The following NF1 variants were observed in gnomAD, a reference collection of about 807,000 sequenced individuals.
The protein encoded by NF1 is neurofibromin.
Under a neutral mutation model 325.7 loss-of-function variants are expected in NF1, and 122 were observed. The observed-to-expected ratio is 0.37, with a 90% CI of 0.32 to 0.44. The LOEUF (loss-of-function observed/expected upper bound fraction) is 0.44, where lower values mean the gene tolerates loss of function less well. Ranked by LOEUF, NF1 falls within the 20% of genes least tolerant of loss-of-function variation. NF1 has a pLI of 1.00. For synonymous variants in NF1, 1,091 were observed against 1,186.0 expected, an observed-to-expected ratio of 0.92 and a Z score of 1.65; for missense variants, 2,140 against 3,415.4, an observed-to-expected ratio of 0.63 and a Z score of 9.31.
chr17:31,287,687 G>A (rs1246652658), intron 36 of NF1, among the ~76,000 whole-genome samples: 1 of 151,940 alleles, frequency 6.6e-6, no homozygotes, highest in East Asian at 1.9e-4. Context: ...AGCCTCCCAA[G>A]TAGCTGGGAC....
At chr17:31,131,957 G>A (rs922276352) in intron 1 of NF1, among the ~76,000 whole-genome samples, 2 of 151,414 alleles carry the variant, frequency 1.3e-5, no homozygotes, top group African/African-American at 4.9e-5. Context: ...TTGAGACAGG[G>A]TCTTACTCTG....
Position 31,326,051 on chromosome 17 carries a change from C to T in NF1, c.5067C>T (p.Tyr1689=), listed in dbSNP as rs756708811. 1 of 1,614,076 alleles carries T rather than the reference C, an allele frequency of 6.2e-7. No homozygotes were observed. Among genetic ancestry groups the T allele is most frequent in the Non-Finnish European group, 8.5e-7 (1 of 1,180,026 alleles). The change falls in exon 37 of 58, where the codon TAC becomes TAT. Residue 1689 remains tyrosine, a synonymous_variant. Transcript: ENST00000358273. ...ACTGTAACTCCTGGGTCAGGGAGTA[C>T]ACCAAGTATCATGAGCGGCTGCTGA... is the stretch of plus-strand genomic sequence containing the variant. ...IYNCNSWVRE[Y]TKYHERLLTG...
chr17:31,171,911 T>C (rs1205958225), intron 5 of NF1, among the ~76,000 whole-genome samples: 1 of 152,110 alleles, frequency 6.6e-6, no homozygotes, highest in Non-Finnish European at 1.5e-5. Flanking sequence ...ATGAGACAAG[T>C]GATGTCATTA....
intron 1 of NF1, among the ~76,000 whole-genome samples, chr17:31,155,068 T>G (rs2065635197): frequency 1.3e-5 from 2 of 152,194 alleles, no homozygotes; most frequent in Non-Finnish European, 2.9e-5. Context: ...CGTCCATTAT[T>G]AACTGATTTA....
At chr17:31,282,120 C>T (rs1368442422) in intron 36 of NF1, among the ~76,000 whole-genome samples, 2 of 151,762 alleles carry the variant, frequency 1.3e-5, no homozygotes, top group East Asian at 1.9e-4. Context: ...TGGTGGTTCA[C>T]GCCTGTAATC....
chr17:31,098,845 T>C (rs956053107), intron 1 of NF1, among the ~76,000 whole-genome samples: 3 of 143,554 alleles, frequency 2.1e-5, no homozygotes, highest in African/African-American at 7.8e-5. Context: ...GGCAGGAGAA[T>C]GGCCTGAACC....
At chr17:31,326,875 G>C (rs556816307) in intron 37 of NF1, among the ~76,000 whole-genome samples, 2 of 152,100 alleles carry the variant, frequency 1.3e-5, no homozygotes, top group African/African-American at 4.8e-5. Flanking sequence ...TCAGAGTGAG[G>C]AACATGAACC....
Position 31,305,565 on chromosome 17 carries a change from C to T in NF1, c.4836-20255C>T, listed in dbSNP as rs762833164. 17 of 1,613,618 alleles carry T rather than the reference C, an allele frequency of 1.1e-5. No individual in the cohort carries two copies. In the East Asian group the frequency reaches 3.6e-4, roughly 34 times the overall value. On this transcript the variant is annotated intron_variant, in intron 36 of 57. Transcript: ENST00000358273. ...CTGTCTTTGAAAAAAATGTATTGTTCAGGTGTCCACAAAACAAAATTAAGA... is the reference window on the plus strand; with the variant it reads ...CTGTCTTTGAAAAAAATGTATTGTTTAGGTGTCCACAAAACAAAATTAAGA...
intron 1 of NF1, among the ~76,000 whole-genome samples, chr17:31,113,838 A>G (rs1913647470): frequency 6.6e-6 from 1 of 152,174 alleles, no homozygotes. Flanking sequence ...CAAGAAGAAA[A>G]ACACTCTAAG....
intron 54 of NF1, chr17:31,358,254 A>G (rs780482081): frequency 1.5e-4 from 82 of 561,990 alleles, no homozygotes; most frequent in Non-Finnish European, 1.8e-4. Flanking sequence ...TGTTTTCACA[A>G]TTTCTTCCCT....
At chr17:31,200,834 A>G (rs1468965191) in intron 9 of NF1, among the ~76,000 whole-genome samples, 1 of 152,184 alleles carries the variant, frequency 6.6e-6, no homozygotes, top group Non-Finnish European at 1.5e-5. Flanking sequence ...ATAATGTGGC[A>G]ATTAGGGCCT....
intron 4 of NF1, among the ~76,000 whole-genome samples, chr17:31,169,325 C>A (rs2953013): frequency 0.72 from 108,722 of 152,026 alleles, 39,225 homozygotes; most frequent in Middle Eastern, 0.84. Context: ...CGAAAGTCGG[C>A]AATATTTAGA....
Position 31,271,328 on chromosome 17 carries a change from T to C in NF1, c.4835+5989T>C, listed in dbSNP as rs140119453. Among the ~76,000 whole-genome samples the C allele has an allele frequency of 3.4e-3, 512 of 152,020 alleles. 5 individuals are homozygous for C. The highest frequency in any genetic ancestry group is 0.012 in the African/African-American group (494 of 41,544). ...TTATACATTACAAAGGTTAGCAGAA[T>C]TGGCACCTTTTCTTAGCGAAATGAC... On this transcript the variant is annotated intron_variant, in intron 36 of 57. Coordinates refer to ENST00000358273, the MANE Select transcript of NF1 (RefSeq NM_001042492.3).
chr17:31,362,893 A>C (rs1028435290), intron 57 of NF1, among the ~76,000 whole-genome samples: 5 of 152,242 alleles, frequency 3.3e-5, no homozygotes, highest in Non-Finnish European at 7.3e-5. Context: ...GCATATGTCC[A>C]GTGTTGATTG....
At chr17:31,098,035 TA>T (rs1911925900) in intron 1 of NF1, among the ~76,000 whole-genome samples, 1 of 151,576 alleles carries the variant, frequency 6.6e-6, no homozygotes, top group South Asian at 2.1e-4. Flanking sequence ...CTTAGAAAGT[TA>T]AAGTCTCTGA....
intron 30 of NF1, chr17:31,250,479 T>A: frequency 4.8e-6 from 1 of 208,580 alleles, no homozygotes; most frequent in East Asian, 7.3e-5. Flanking sequence ...TGACAGAGGC[T>A]TTGACTTTAG....
At chr17:31,145,318 G>A (rs1304670444) in intron 1 of NF1, among the ~76,000 whole-genome samples, 2 of 152,116 alleles carry the variant, frequency 1.3e-5, no homozygotes, top group Non-Finnish European at 2.9e-5. Flanking sequence ...TCAGCCTCCT[G>A]AGTAGCTGGG....
At chr17:31,255,356 A>G (rs1026798335) in intron 31 of NF1, among the ~76,000 whole-genome samples, 2 of 152,202 alleles carry the variant, frequency 1.3e-5, no homozygotes, top group Non-Finnish European at 1.5e-5. Context: ...ATGGATTAAA[A>G]AAAACACTAG....
intron 36 of NF1, among the ~76,000 whole-genome samples, chr17:31,291,068 T>A (rs2068335291): frequency 1.3e-5 from 2 of 152,154 alleles, no homozygotes; most frequent in South Asian, 4.1e-4. Context: ...AGTATTTACT[T>A]CTTTTTCTAT....
Sources: gnomAD v4.1 joint callset for allele counts (sites outside exome capture counted in the v4.1 genomes callset) on GRCh38, gnomAD v4.1.1 for gene constraint, MANE v1.5 for transcripts, NCBI Gene and HGNC (gene_info 2026-07-23, HGNC 2026-07-21) for gene names.